The following CSMD1 variants were observed in gnomAD, a reference collection of about 807,000 sequenced individuals.
CSMD1 encodes CUB and Sushi multiple domains 1, also known as CUB and sushi domain-containing protein 1.
In CSMD1, 213 loss-of-function variants were observed where a neutral mutation model predicts 417.5. The observed-to-expected ratio is 0.51, with a 90% CI of 0.46 to 0.57. The LOEUF (loss-of-function observed/expected upper bound fraction) is 0.57. Among genes scored for constraint, CSMD1 ranks in the 20% least tolerant of loss-of-function variants. The probability of loss-of-function intolerance (pLI) is 0.00; values close to 1 mark genes in which losing one functional copy is unlikely to be tolerated. For missense variants in CSMD1, 6,923 were observed against 4,529.7 expected (o/e 1.53, Z -15.17); for synonymous variants, 2,862 against 1,736.8 (o/e 1.65, Z -16.11).
At position 3,819,682 on chromosome 8, in the gene CSMD1, T is replaced by A. The variant is rs187773747; in HGVS notation, c.819-65640A>T. On this transcript the variant is annotated intron_variant, in intron 5 of 69. Transcript: ENST00000635120. The stretch of plus-strand genomic sequence containing the variant: ...CACTGCGGCCTTGGCCTACTGGGGG[T>A]CTTAGGTGATCCTCCAATCTCAGCC... 2.0e-5 allele frequency among the ~76,000 whole-genome samples: 3 copies of A among 151,714 alleles called. No homozygotes were observed. In the South Asian group the frequency reaches 6.3e-4, roughly 32 times the overall value.
At chr8:4,489,216 A>G (rs1801574194) in intron 2 of CSMD1, among the ~76,000 whole-genome samples, 1 of 152,190 alleles carries the variant, frequency 6.6e-6, no homozygotes, top group Non-Finnish European at 1.5e-5. Context: ...CCAGTCTACT[A>G]AATACTTCTT....
At chr8:3,531,815 A>T (rs537910419) in intron 10 of CSMD1, among the ~76,000 whole-genome samples, 12 of 152,328 alleles carry the variant, frequency 7.9e-5, no homozygotes, top group African/African-American at 2.4e-4. Flanking sequence ...ACACAGGGGG[A>T]TGCCAGCAGT....
chr8:3,219,502 G>A, intron 28 of CSMD1, 60 bp from the exon 29 acceptor site: 1 of 1,215,672 alleles, frequency 8.2e-7, no homozygotes, highest in Non-Finnish European at 1.1e-6. Flanking sequence ...TCCCAGAGTG[G>A]TAAGCCTTTG....
At chr8:3,141,970 G>T (rs866488784) in intron 41 of CSMD1, among the ~76,000 whole-genome samples, 33 of 151,776 alleles carry the variant, frequency 2.2e-4, no homozygotes, top group East Asian at 3.9e-4. Flanking sequence ...GCTAATTTTT[G>T]GTATTTTTAG....
Position 3,289,986 on chromosome 8 carries a change from C to G in CSMD1, c.3951-5640G>C, listed in dbSNP as rs1392969775. On this transcript the variant is annotated intron_variant, in intron 25 of 69. Transcript: ENST00000635120. ...TCTAACATTTAAGTCTTTAATCCAT[C>G]TTGAATTAATTTTTGTGTAAGGTGT... Among the ~76,000 whole-genome samples, 10 of 147,392 alleles carry G rather than the reference C, an allele frequency of 6.8e-5. 2 individuals carry two copies. The highest frequency in any genetic ancestry group is 2.7e-4 in the African/African-American group (10 of 37,140).
intron 3 of CSMD1, among the ~76,000 whole-genome samples, chr8:4,217,937 A>G (rs977529537): frequency 6.6e-6 from 1 of 152,188 alleles, no homozygotes; most frequent in African/African-American, 2.4e-5. Context: ...GGAGCAAAGA[A>G]ATGTGCAGAG....
At chr8:3,353,475 C>G (rs1283014646) in intron 21 of CSMD1, among the ~76,000 whole-genome samples, 1 of 152,114 alleles carries the variant, frequency 6.6e-6, no homozygotes, top group Non-Finnish European at 1.5e-5. Context: ...TCCTAGTACA[C>G]AAAAACAGAT....
At chr8:4,812,136 T>C (rs1381182837) in intron 1 of CSMD1, among the ~76,000 whole-genome samples, 1 of 152,178 alleles carries the variant, frequency 6.6e-6, no homozygotes, top group Non-Finnish European at 1.5e-5. Context: ...CAACCAATTA[T>C]GCCCTTCTGT....
chr8:3,371,555 T>C (rs1250656269), intron 18 of CSMD1, among the ~76,000 whole-genome samples: 1 of 152,096 alleles, frequency 6.6e-6, no homozygotes, highest in African/African-American at 2.4e-5. Flanking sequence ...TAAGATGAAC[T>C]ATCATGAAGT....
At chr8:4,572,390 G>A (rs542971518) in intron 2 of CSMD1, among the ~76,000 whole-genome samples, 2 of 152,268 alleles carry the variant, frequency 1.3e-5, no homozygotes, top group African/African-American at 4.8e-5. Flanking sequence ...TAGTTTGGCT[G>A]GACATGAAAT....
At chr8:4,542,667 G>A (rs761516169) in intron 2 of CSMD1, among the ~76,000 whole-genome samples, 1 of 152,078 alleles carries the variant, frequency 6.6e-6, no homozygotes, top group Non-Finnish European at 1.5e-5. Flanking sequence ...TATCACCACT[G>A]TATCTTATGC....
At chr8:3,839,319 ATATT>A (rs963049687) in intron 5 of CSMD1, among the ~76,000 whole-genome samples, 7 of 122,548 alleles carry the variant, frequency 5.7e-5, no homozygotes, top group Non-Finnish European at 9.5e-5. Flanking sequence ...CTATTAATAT[ATATT>A]AATTATATAT....
chr8:3,620,760 G>A (rs1802384057), intron 7 of CSMD1, among the ~76,000 whole-genome samples: 1 of 152,116 alleles, frequency 6.6e-6, no homozygotes, highest in Non-Finnish European at 1.5e-5. Context: ...GGACAAAAAT[G>A]CTGAAAGACA....
At chr8:4,168,902 C>T (rs912556692) in intron 3 of CSMD1, among the ~76,000 whole-genome samples, 31 of 152,144 alleles carry the variant, frequency 2.0e-4, no homozygotes, top group East Asian at 1.9e-4. Flanking sequence ...CTTATCCAAC[C>T]GCCAGTGCCA....
chr8:4,932,639 C>T (rs1016688212), intron 1 of CSMD1, among the ~76,000 whole-genome samples: 4 of 152,204 alleles, frequency 2.6e-5, no homozygotes, highest in African/African-American at 9.6e-5. Context: ...TGTTTCTATG[C>T]ACTTTCAGGA....
At chr8:4,821,831 G>T (rs899577950) in intron 1 of CSMD1, among the ~76,000 whole-genome samples, 4 of 152,098 alleles carry the variant, frequency 2.6e-5, no homozygotes, top group African/African-American at 9.7e-5. Flanking sequence ...AACAAACTCA[G>T]ATCAGAAAAG....
chr8:4,052,672 C>T (rs114630015), intron 3 of CSMD1, among the ~76,000 whole-genome samples: 30 of 152,092 alleles, frequency 2.0e-4, no homozygotes, highest in Admixed American at 1.9e-3. Flanking sequence ...AAGGAATCAT[C>T]CCATAATAAG....
At chr8:4,946,551 G>C (rs1216934660) in intron 1 of CSMD1, among the ~76,000 whole-genome samples, 1 of 152,166 alleles carries the variant, frequency 6.6e-6, no homozygotes, top group Non-Finnish European at 1.5e-5. Flanking sequence ...ATGTCCTTAT[G>C]AAGGATTCTG....
chr8:3,787,707 AATTTACATTAC>A (rs2129065949), intron 5 of CSMD1, among the ~76,000 whole-genome samples: 1 of 152,308 alleles, frequency 6.6e-6, no homozygotes, highest in South Asian at 2.1e-4. Flanking sequence ...CACAACTAGA[AATTTACATTAC>A]ATTTGTAAGA....
Sources: gnomAD v4.1 joint callset for allele counts (sites outside exome capture counted in the v4.1 genomes callset) on GRCh38, gnomAD v4.1.1 for gene constraint, MANE v1.5 for transcripts, NCBI Gene and HGNC (gene_info 2026-07-23, HGNC 2026-07-21) for gene names.